The following CUL9 variants were observed in gnomAD, a reference collection of about 807,000 sequenced individuals.
CUL9 encodes the protein cullin-9.
A neutral mutation model predicts 272.6 loss-of-function variants in CUL9; 79 were observed. That is an observed-to-expected ratio of 0.29 (90% CI 0.24 to 0.35). CUL9 has a LOEUF of 0.35. Among genes scored for constraint, CUL9 ranks in the 10% least tolerant of loss-of-function variants. CUL9 has a pLI of 1.00. For synonymous variants in CUL9, 1,186 were observed against 1,286.5 expected, an observed-to-expected ratio of 0.92 and a Z score of 1.67; for missense variants, 2,532 against 3,255.6, an observed-to-expected ratio of 0.78 and a Z score of 5.41.
At position 43,221,831 on chromosome 6, in the gene CUL9, GTGC is replaced by G; in HGVS notation, c.6846+58_6846+60del. On this transcript the variant is annotated intron_variant, in intron 35 of 40. Transcript: ENST00000252050. The surrounding 1 kb of genome is among the most constrained non-coding windows in gnomAD (Gnocchi z 4.2). ...AGAGGCCCAGAGCCGTCGGGGAGGGGTGCTGCTACCAGGTCCTGGGCAGACAGG... is the reference window on the plus strand; with the variant it reads ...AGAGGCCCAGAGCCGTCGGGGAGGGGTGCTACCAGGTCCTGGGCAGACAGG... The G allele has an allele frequency of 2.0e-6, 3 of 1,506,018 alleles. No individual in the cohort carries two copies. Among genetic ancestry groups the G allele is most frequent in the Non-Finnish European group, 1.8e-6 (2 of 1,096,164 alleles). The allele number at this position is 1,506,018 out of a possible 1,614,324, so 93.3% of individuals were successfully genotyped here.
chr6:43,192,477 T>C (rs555024002), intron 8 of CUL9, among the ~76,000 whole-genome samples: 1 of 152,202 alleles, frequency 6.6e-6, no homozygotes, highest in South Asian at 2.1e-4. Flanking sequence ...TCGAGACCAG[T>C]CTGGGAAACA....
chr6:43,195,707 A>G (rs1773935200), intron 9 of CUL9, among the ~76,000 whole-genome samples: 1 of 152,176 alleles, frequency 6.6e-6, no homozygotes, highest in African/African-American at 2.4e-5. Context: ...CCTGAAGACA[A>G]CTAGATGCTG....
Position 43,216,283 on chromosome 6 carries a change from C to T in CUL9, c.6062C>T (p.Pro2021Leu). Residue 2021 changes from proline to leucine, a missense_variant, in exon 31 of 41, where the codon CCA becomes CTA. Pro to Leu is a moderately conservative substitution (Grantham distance 98). Around this residue, in one of 3 missense-constraint regions of CUL9, gnomAD observed 2,218 missense variants for 2,788.6 expected, o/e 0.80. Transcript: ENST00000252050. ...RQVQETLNLEPDVAQHLLAHS... is the reference protein window; with the variant it reads ...RQVQETLNLELDVAQHLLAHS... The stretch of plus-strand genomic sequence containing the variant: ...GTGCAGGAGACGCTGAACTTAGAGC[C>T]AGATGTCGCTCAGCACCTTTTGGCT... The T allele has an allele frequency of 1.2e-6, 2 of 1,614,026 alleles. No homozygotes were observed. The highest frequency in any genetic ancestry group is 1.7e-6 in the Non-Finnish European group (2 of 1,179,956).
intron 29 of CUL9, 89 bp downstream of exon 29, chr6:43,214,001 A>C: frequency 1.5e-6 from 2 of 1,310,498 alleles, no homozygotes; most frequent in Non-Finnish European, 2.2e-6. Flanking sequence ...TCAATATAAG[A>C]CTTCTGTAGG....
At chr6:43,193,729 G>A (rs951263296) in intron 9 of CUL9, among the ~76,000 whole-genome samples, 1 of 152,054 alleles carries the variant, frequency 6.6e-6, no homozygotes, top group Non-Finnish European at 1.5e-5. Context: ...AATGACTCCC[G>A]GGTGTAAAAT....
chr6:43,215,145 G>C lies in CUL9; in HGVS notation c.5755G>C (p.Val1919Leu). ...GTLGHTVAGGVACTSTDVLSC... is the reference protein window; with the variant it reads ...GTLGHTVAGGLACTSTDVLSC... Reference sequence around the variant, plus strand: ...CCTGGGCCACACTGTTGCTGGGGGTGTGGCCTGTACCAGTACAGATGTCCT... The same window carrying C: ...CCTGGGCCACACTGTTGCTGGGGGTCTGGCCTGTACCAGTACAGATGTCCT... The change falls in exon 30 of 41, where the codon GTG (valine) becomes CTG (leucine). Residue 1919 changes from valine to leucine, a missense_variant. Val to Leu is a conservative substitution (Grantham distance 32). Around this residue, in one of 3 missense-constraint regions of CUL9, gnomAD observed 2,218 missense variants for 2,788.6 expected, o/e 0.80. Transcript: ENST00000252050. 1 of 1,614,184 alleles carries C rather than the reference G, an allele frequency of 6.2e-7. No homozygotes were observed. Among genetic ancestry groups the C allele is most frequent in the Non-Finnish European group, 8.5e-7 (1 of 1,180,028 alleles).
At position 43,188,000 on chromosome 6, in the gene CUL9, C is replaced by T. The variant is rs138491396; in HGVS notation, c.1869C>T (p.Ala623=). The T allele has an allele frequency of 1.5e-5, 24 of 1,613,734 alleles. No homozygotes were observed. The Middle Eastern group carries it at 4.9e-4, about 33-fold the overall frequency. Residue 623 remains alanine, a synonymous_variant, in exon 7 of 41, where the codon GCC becomes GCT. Coordinates refer to ENST00000252050, the MANE Select transcript of CUL9 (RefSeq NM_015089.4). The stretch of plus-strand genomic sequence containing the variant: ...AGGCCGAGGCCCCTAAGACAGAGGC[C>T]GAGCCCACCAAGACAAGGACCGAGA... The part of the protein sequence containing the change: ...KAKAEAPKTE[A]EPTKTRTETP...
In CUL9 at chr6:43,206,615, T is replaced by C. The variant is rs984026944; in HGVS notation, c.5212+105T>C. 9.9e-7 allele frequency: 1 copy of C among 1,006,732 alleles called. No homozygotes were observed. The highest frequency in any genetic ancestry group is 1.5e-6 in the Non-Finnish European group (1 of 672,244). 62.4% of individuals were successfully genotyped at this position (1,006,732 alleles called of 1,614,324 possible). ...CAGGATATAGATGTGAAGAAAAATA[T>C]CAGCTCCTAGCGAGGGATGAGAAAG... On this transcript the variant is annotated intron_variant, in intron 26 of 40. Coordinates refer to ENST00000252050, the MANE Select transcript of CUL9 (RefSeq NM_015089.4). This position sits in a 1 kb window ranked among gnomAD's most constrained non-coding sequence, Gnocchi z 4.8.
At chr6:43,222,414 T>C in intron 36 of CUL9, 24 bp downstream of exon 36, 1 of 1,598,146 alleles carries the variant, frequency 6.3e-7, no homozygotes, top group Non-Finnish European at 8.5e-7. Flanking sequence ...AAACAGCGGG[T>C]AGATGCCTGC....
At position 43,221,906 on chromosome 6, in the gene CUL9, T is replaced by G. The variant is rs970620073; in HGVS notation, c.6846+128T>G. 1.8e-5 allele frequency: 15 copies of G among 813,480 alleles called. No homozygotes were observed. The highest frequency in any genetic ancestry group is 5.4e-5 in the Admixed American group (2 of 37,380). 50.4% of individuals were successfully genotyped at this position (813,480 alleles called of 1,614,324 possible). On this transcript the variant is annotated intron_variant, in intron 35 of 40. Transcript: ENST00000252050. The surrounding 1 kb of genome is among the most constrained non-coding windows in gnomAD (Gnocchi z 4.2). Reference sequence around the variant, plus strand: ...TCTAGCTGTTGGGATAGAGGCTCACTGTGGGGAAGACAGAGCCACCTGGGC... The same window carrying G: ...TCTAGCTGTTGGGATAGAGGCTCACGGTGGGGAAGACAGAGCCACCTGGGC...
intron 21 of CUL9, 41 bp from the exon 22 acceptor site, chr6:43,204,707 G>A: frequency 6.2e-7 from 1 of 1,608,916 alleles, no homozygotes; most frequent in Non-Finnish European, 8.5e-7. Flanking sequence ...CTCACCCAGA[G>A]GCTGAGATGA....
intron 17 of CUL9, 139 bp from the exon 18 acceptor site, chr6:43,202,970 T>G (rs1342030271): frequency 2.5e-5 from 30 of 1,190,802 alleles, no homozygotes; most frequent in Non-Finnish European, 3.6e-5. Context: ...GGATTAGGGA[T>G]GCAGAGCCAC....
chr6:43,213,325 C>G lies in CUL9; in HGVS notation c.5358+31C>G, dbSNP rs763955128. The stretch of plus-strand genomic sequence containing the variant: ...TCAGCCCTTAGCCTCTCTCTGCCTT[C>G]TCTGCTACCTTATCTGTCGCTGTTC... On this transcript the variant is annotated intron_variant, in intron 27 of 40. Transcript: ENST00000252050. The surrounding 1 kb of genome is among the most constrained non-coding windows in gnomAD (Gnocchi z 5.7). 1.2e-6 allele frequency: 2 copies of G among 1,612,778 alleles called. No homozygotes were observed. Among genetic ancestry groups the G allele is most frequent in the Admixed American group, 1.7e-5 (1 of 59,994 alleles).
intron 11 of CUL9, among the ~76,000 whole-genome samples, chr6:43,197,641 A>G (rs965021132): frequency 6.6e-5 from 10 of 151,356 alleles, no homozygotes; most frequent in African/African-American, 2.4e-4. Context: ...GCACCACCAC[A>G]CCCAGCTAAT....
intron 6 of CUL9, 28 bp from the exon 7 acceptor site, chr6:43,187,685 C>T (rs1301600687): frequency 1.2e-6 from 2 of 1,604,954 alleles, no homozygotes; most frequent in Non-Finnish European, 8.5e-7. Flanking sequence ...CTGCTTGTCT[C>T]TTAAACGTAT....
chr6:43,193,733 G>A (rs780055819), intron 9 of CUL9, among the ~76,000 whole-genome samples: 2 of 152,228 alleles, frequency 1.3e-5, no homozygotes, highest in Non-Finnish European at 2.9e-5. Flanking sequence ...ACTCCCGGGT[G>A]TAAAATTAAG....
chr6:43,208,501 C>T (rs1039142281), intron 26 of CUL9, among the ~76,000 whole-genome samples: 32 of 152,298 alleles, frequency 2.1e-4, no homozygotes, highest in African/African-American at 6.7e-4. Context: ...CCACTGTGCT[C>T]GGCTGTAATC....
At position 43,206,084 on chromosome 6, in the gene CUL9, G is replaced by C; in HGVS notation, c.4871G>C (p.Cys1624Ser). Reference protein sequence around the residue: ...EGAVLEQIGLCFPNRLPQLML... With the variant: ...EGAVLEQIGLSFPNRLPQLML... ...GCTGTGCTAGAGCAGATTGGCCTCT[G>C]TTTTCCCAACCGCCTCCCACAGCTG... Residue 1624 changes from cysteine to serine, a missense_variant, in exon 25 of 41, where the codon TGT (cysteine) becomes TCT (serine). Cys to Ser is a moderately radical substitution (Grantham distance 112). Coordinates refer to ENST00000252050, the MANE Select transcript of CUL9 (RefSeq NM_015089.4). This position sits in a 1 kb window ranked among gnomAD's most constrained non-coding sequence, Gnocchi z 4.8. The C allele has an allele frequency of 1.2e-6, 2 of 1,614,190 alleles. No homozygotes were observed. The highest frequency in any genetic ancestry group is 1.7e-6 in the Non-Finnish European group (2 of 1,180,032).
intron 16 of CUL9, 130 bp from the exon 17 acceptor site, chr6:43,202,586 G>A (rs1483942562): frequency 1.4e-6 from 1 of 733,416 alleles, no homozygotes; most frequent in South Asian, 1.5e-5. Context: ...GTCTTGCAGT[G>A]TTGCCCAGGT....
Sources: gnomAD v4.1 joint callset for allele counts (sites outside exome capture counted in the v4.1 genomes callset) on GRCh38, gnomAD v4.1.1 for gene constraint, gnomAD v4.1.1 regional missense constraint, Gnocchi (gnomAD v3.1) non-coding constraint, MANE v1.5 for transcripts, NCBI Gene and HGNC (gene_info 2026-07-23, HGNC 2026-07-21) for gene names.